Variants in RBFOX2 observed in about 807,000 individuals in gnomAD.
The protein encoded by RBFOX2 is RNA binding fox-1 homolog 2.
A neutral mutation model predicts 49.1 loss-of-function variants in RBFOX2; 10 were observed. That is an observed-to-expected ratio of 0.20 (90% CI 0.13 to 0.35). The LOEUF (loss-of-function observed/expected upper bound fraction) is 0.35. Among genes scored for constraint, RBFOX2 ranks in the 10% least tolerant of loss-of-function variants. The pLI is 1.00. For synonymous variants in RBFOX2, 183 were observed against 187.4 expected (o/e 0.98, Z 0.19); for missense variants, 323 against 486.9 (o/e 0.66, Z 3.17).
chr22:35,932,032 G>A (rs534045416), intron 1 of RBFOX2, among the ~76,000 whole-genome samples: 2 of 152,266 alleles, frequency 1.3e-5, no homozygotes, highest in Non-Finnish European at 2.9e-5. Flanking sequence ...ATGTATGTGT[G>A]TATACTGGGT....
chr22:35,846,076 CTA>C (rs913453584), intron 1 of RBFOX2, among the ~76,000 whole-genome samples: 7 of 149,388 alleles, frequency 4.7e-5, no homozygotes, highest in Non-Finnish European at 7.4e-5. Context: ...ATTACATACA[CTA>C]TATAAGTATA....
chr22:35,828,921 C>G (rs761290403), intron 1 of RBFOX2, among the ~76,000 whole-genome samples: 1 of 151,804 alleles, frequency 6.6e-6, no homozygotes, highest in South Asian at 2.1e-4. Context: ...CGTGGTGGTA[C>G]GCACCTGTAA....
chr22:35,758,400 T>C (rs1937563706), intron 9 of RBFOX2, among the ~76,000 whole-genome samples: 1 of 152,190 alleles, frequency 6.6e-6, no homozygotes, highest in South Asian at 2.1e-4. Context: ...CCCATGTTTC[T>C]GGTGAGTAGT....
Position 35,767,591 on chromosome 22 carries a change from C to A in RBFOX2, c.546+666G>T, listed in dbSNP as rs561994917. ...TGTTATCAAAAAGGGCTGGTGAATA[C>A]CAGGCGGTAGACTTGGTCATAATCA... is the stretch of plus-strand genomic sequence containing the variant. On this transcript the variant is annotated intron_variant, in intron 5 of 11. Coordinates refer to ENST00000405409, the Ensembl canonical transcript of RBFOX2. Among the ~76,000 whole-genome samples, 489 of 152,278 alleles carry A rather than the reference C, an allele frequency of 3.2e-3. 3 individuals are homozygous for A. Among genetic ancestry groups the A allele is most frequent in the African/African-American group, 9.0e-3 (376 of 41,566 alleles).
chr22:35,972,647 A>G (rs967906031), intron 1 of RBFOX2, among the ~76,000 whole-genome samples: 10 of 152,200 alleles, frequency 6.6e-5, no homozygotes, highest in Non-Finnish European at 1.2e-4. Flanking sequence ...CTAATAAAAC[A>G]TAAGAGTACA....
chr22:35,778,681 G>A (rs1481041770), intron 3 of RBFOX2, among the ~76,000 whole-genome samples: 2 of 151,568 alleles, frequency 1.3e-5, no homozygotes, highest in Admixed American at 1.3e-4. Flanking sequence ...CTGTCACCCA[G>A]GCTGGAGTCC....
At chr22:35,843,584 C>T (rs1275420063), upstream of RBFOX2, among the ~76,000 whole-genome samples, 1 of 152,158 alleles carries the variant, frequency 6.6e-6, no homozygotes, top group Non-Finnish European at 1.5e-5. Flanking sequence ...TTTGATTTGT[C>T]TGTGGTATTT....
Position 35,758,468 on chromosome 22 carries a change from A to G in RBFOX2, c.887+1420T>C, listed in dbSNP as rs375168069. Among the ~76,000 whole-genome samples the G allele has an allele frequency of 1.7e-3, 260 of 152,332 alleles. 1 individual carries two copies. Among genetic ancestry groups the G allele is most frequent in the African/African-American group, 6.2e-3 (256 of 41,596 alleles). ...GGATTACAACGGAAGACATTTCACA[A>G]ACAATTTTCCTAGTGTGTAAAACTT... On this transcript the variant is annotated intron_variant, in intron 9 of 11. Transcript: ENST00000405409.
intron 2 of RBFOX2, 71 bp downstream of exon 3, chr22:35,809,709 G>T: frequency 6.7e-7 from 1 of 1,497,020 alleles, no homozygotes; most frequent in Non-Finnish European, 9.3e-7. Flanking sequence ...TCTTCTAATT[G>T]TATAATTAAG....
At chr22:35,974,255 T>G (rs1419396239) in intron 1 of RBFOX2, among the ~76,000 whole-genome samples, 1 of 152,224 alleles carries the variant, frequency 6.6e-6, no homozygotes, top group African/African-American at 2.4e-5. Flanking sequence ...AAGGGGAGTG[T>G]GTCTGTATTT....
chr22:35,856,892 C>T (rs1490984735), intron 1 of RBFOX2, among the ~76,000 whole-genome samples: 4 of 151,982 alleles, frequency 2.6e-5, no homozygotes, highest in Non-Finnish European at 4.4e-5. Context: ...ATTAGCCAGG[C>T]GTGGCCACGT....
intron 5 of RBFOX2, among the ~76,000 whole-genome samples, chr22:35,766,370 A>C (rs1316115151): frequency 6.6e-6 from 1 of 152,252 alleles, no homozygotes; most frequent in Non-Finnish European, 1.5e-5. Flanking sequence ...CAATTGAAAA[A>C]AGAAGCATAA....
At chr22:35,819,329 T>G (rs1953920387) in intron 1 of RBFOX2, among the ~76,000 whole-genome samples, 1 of 152,182 alleles carries the variant, frequency 6.6e-6, no homozygotes, top group Admixed American at 6.5e-5. Context: ...AGGCTATATG[T>G]GGGAGTCCAC....
At chr22:35,754,625 G>A (rs1027558873) in intron 9 of RBFOX2, among the ~76,000 whole-genome samples, 1 of 152,194 alleles carries the variant, frequency 6.6e-6, no homozygotes, top group Non-Finnish European at 1.5e-5. Flanking sequence ...ATGTAAGTCT[G>A]TGTATTTAGA....
chr22:35,969,174 T>C (rs1158197426), intron 1 of RBFOX2, among the ~76,000 whole-genome samples: 1 of 152,164 alleles, frequency 6.6e-6, no homozygotes, highest in East Asian at 1.9e-4. Flanking sequence ...TGCCTGCCTC[T>C]AGATCAGAAC....
At chr22:35,835,248 C>A (rs1957443550) in intron 1 of RBFOX2, among the ~76,000 whole-genome samples, 1 of 151,942 alleles carries the variant, frequency 6.6e-6, no homozygotes, top group Non-Finnish European at 1.5e-5. Context: ...TGTGGGATAC[C>A]AATAATGTCA....
intron 1 of RBFOX2, among the ~76,000 whole-genome samples, chr22:35,927,852 G>C (rs901447943): frequency 6.6e-6 from 1 of 152,168 alleles, no homozygotes; most frequent in Non-Finnish European, 1.5e-5. Flanking sequence ...TTTTCTTGGA[G>C]ATGTCCAACA....
exon 1 of RBFOX2, chr22:35,961,587 C>A: frequency 7.7e-7 from 1 of 1,304,158 alleles, no homozygotes. Flanking sequence ...TGGGCTGGTC[C>A]ATGGAATCTG....
rs1486154062 is a variant in RBFOX2, at chr22:35,759,782, C to T, written c.887+106G>A. Reference sequence around the variant, plus strand: ...TTTGCAAATATTCACTGAATGCCTACTCTGTGACACGGCAACATCCCAGAA... The same window carrying T: ...TTTGCAAATATTCACTGAATGCCTATTCTGTGACACGGCAACATCCCAGAA... On this transcript the variant is annotated intron_variant, in intron 9 of 11. Coordinates refer to ENST00000405409, the Ensembl canonical transcript of RBFOX2. The surrounding 1 kb of genome is among the most constrained non-coding windows in gnomAD (Gnocchi z 4.6). 8 of 1,445,656 alleles carry T rather than the reference C, an allele frequency of 5.5e-6. No individual in the cohort carries two copies. Among genetic ancestry groups the T allele is most frequent in the Non-Finnish European group, 6.7e-6 (7 of 1,050,622 alleles). The allele number at this position is 1,445,656 out of a possible 1,614,324, so 89.6% of individuals were successfully genotyped here. A position where few individuals can be genotyped will look rare whatever the true frequency, so the allele number is the denominator to read the frequency against.
Sources: allele counts gnomAD v4.1 joint callset (sites outside exome capture counted in the v4.1 genomes callset), GRCh38; gene constraint gnomAD v4.1.1; non-coding constraint Gnocchi (gnomAD v3.1); transcripts MANE v1.5; gene names NCBI Gene and HGNC (gene_info 2026-07-23, HGNC 2026-07-21).